ABCA12: variants seen among roughly 807,000 people sequenced by gnomAD.
ABCA12 encodes the protein ATP binding cassette subfamily A member 12.
In ABCA12, 156 loss-of-function variants were observed where a neutral mutation model predicts 293.5. That is an observed-to-expected ratio of 0.53 (90% CI 0.47 to 0.61). The LOEUF is 0.61. Among genes scored for constraint, ABCA12 ranks in the 20% least tolerant of loss-of-function variants. The probability of loss-of-function intolerance (pLI) is 0.00; values close to 1 mark genes in which losing one functional copy is unlikely to be tolerated. For synonymous variants in ABCA12, 1,063 were observed against 1,108.0 expected (o/e 0.96, Z 0.81); for missense variants, 2,797 against 3,090.2 (o/e 0.91, Z 2.25).
intron 18 of ABCA12, 22 bp from the exon 19 acceptor site, chr2:215,007,868 G>C (rs893865549): frequency 1.9e-6 from 3 of 1,613,580 alleles, no homozygotes; most frequent in Admixed American, 1.7e-5. Context: ...AGAAACAAAA[G>C]AAGTGTGATC....
Position 215,007,874 on chromosome 2 carries a change from T to C in ABCA12, c.2473-28A>G, listed in dbSNP as rs1045052627. ...TAATGACAAAGAAACAAAAGAAGTG[T>C]GATCCATTAGTATTTTGTCTATATT... On this transcript the variant is annotated intron_variant, in intron 18 of 52. Transcript: ENST00000272895. 4 of 1,613,382 alleles carry C rather than the reference T, an allele frequency of 2.5e-6. No homozygotes were observed. The African/African-American group carries it at 5.3e-5, about 22-fold the overall frequency.
intron 39 of ABCA12, among the ~76,000 whole-genome samples, chr2:214,963,684 C>T (rs370453486): frequency 1.5e-4 from 23 of 148,672 alleles, no homozygotes; most frequent in South Asian, 1.5e-3. Context: ...GAGCCCAAGG[C>T]GGGTGGATCA....
At chr2:214,982,784 T>C (rs1271317053) in intron 29 of ABCA12, among the ~76,000 whole-genome samples, 3 of 152,092 alleles carry the variant, frequency 2.0e-5, no homozygotes, top group African/African-American at 7.2e-5. Flanking sequence ...TTCTAGTAAG[T>C]GTGTGTATTG....
chr2:215,025,881 T>G, intron 10 of ABCA12, 102 bp from the exon 11 acceptor site: 1 of 781,296 alleles, frequency 1.3e-6, no homozygotes, highest in Admixed American at 2.1e-5. Context: ...AAATTTTTCC[T>G]AAGATAATAG....
At chr2:214,951,876 TAGG>T (rs1285431018) in intron 44 of ABCA12, among the ~76,000 whole-genome samples, 1 of 152,210 alleles carries the variant, frequency 6.6e-6, no homozygotes, top group Non-Finnish European at 1.5e-5. Flanking sequence ...TTGTTAACTA[TAGG>T]CACAATATTG....
chr2:214,970,435 G>T, intron 36 of ABCA12, 35 bp from the exon 37 acceptor site: 1 of 1,611,242 alleles, frequency 6.2e-7, no homozygotes, highest in Admixed American at 1.7e-5. Context: ...TTTTTTTCTG[G>T]CCAATGCTGT....
At position 215,114,589 on chromosome 2, in the gene ABCA12, G is replaced by A. The variant is rs114804639; in HGVS notation, c.70-2899C>T. On this transcript the variant is annotated intron_variant, in intron 1 of 52. Coordinates refer to ENST00000272895, the MANE Select transcript of ABCA12 (RefSeq NM_173076.3). ...TTTTTTATAATTATTGTGCTGTTCC[G>A]AGCAGCAAATAAGAAAGCATTACAG... Among the ~76,000 whole-genome samples, 608 of 152,196 alleles carry A rather than the reference G, an allele frequency of 4.0e-3. 1 individual carries two copies. The highest frequency in any genetic ancestry group is 7.1e-3 in the Admixed American group (109 of 15,290).
chr2:215,099,936 A>C (rs1256343782), intron 2 of ABCA12, among the ~76,000 whole-genome samples: 3 of 152,048 alleles, frequency 2.0e-5, no homozygotes, highest in Non-Finnish European at 2.9e-5. Context: ...CAATGTTTCC[A>C]TTACTACAGG....
In ABCA12 at chr2:214,931,815, A is replaced by G. The variant is rs1312613556; in HGVS notation, c.*819T>C. 1.3e-5 allele frequency: 2 copies of G among 152,390 alleles called. No homozygotes were observed. Among genetic ancestry groups the G allele is most frequent in the African/African-American group, 4.8e-5 (2 of 41,404 alleles). The allele number at this position is 152,390 out of a possible 1,614,324, so 9.4% of individuals were successfully genotyped here. On this transcript the variant is annotated 3_prime_UTR_variant, in exon 53 of 53. Coordinates refer to ENST00000272895, the MANE Select transcript of ABCA12 (RefSeq NM_173076.3). ...GAAACCCCAAATATGAGGGTTTCTGAAAGAGCTTTAAAAAATGTTGCCTGC... is the reference window on the plus strand; with the variant it reads ...GAAACCCCAAATATGAGGGTTTCTGGAAGAGCTTTAAAAAATGTTGCCTGC...
rs1377642965 is a variant in ABCA12, at chr2:215,134,597, C to CTA, written c.69+3542_69+3543insTA. ...ATATAATCTCTCTCTCTCTCTCTCTCTCTATATATATATATATATAGAGAG... is the reference window on the plus strand; with the variant it reads ...ATATAATCTCTCTCTCTCTCTCTCTCTATCTATATATATATATATATAGAGAG... On this transcript the variant is annotated intron_variant, in intron 1 of 52. Coordinates refer to ENST00000272895, the MANE Select transcript of ABCA12 (RefSeq NM_173076.3). Among the ~76,000 whole-genome samples the CTA allele has an allele frequency of 1.4e-3, 118 of 82,964 alleles. 4 individuals carry two copies. The highest frequency in any genetic ancestry group is 9.2e-3 in the East Asian group (36 of 3,892). 54.4% of individuals were successfully genotyped at this position (82,964 alleles called of 152,430 possible). A position where few individuals can be genotyped will look rare whatever the true frequency, so the allele number is the denominator to read the frequency against.
chr2:215,103,247 A>G (rs1575045806), intron 2 of ABCA12, among the ~76,000 whole-genome samples: 4 of 148,768 alleles, frequency 2.7e-5, no homozygotes, highest in South Asian at 2.1e-4. Context: ...AACTTTAACA[A>G]TGTCTCTTAA....
At chr2:215,122,973 T>G (rs1446603624) in intron 1 of ABCA12, among the ~76,000 whole-genome samples, 3 of 152,148 alleles carry the variant, frequency 2.0e-5, no homozygotes, top group Non-Finnish European at 4.4e-5. Flanking sequence ...GTATTTTTTC[T>G]GTCTTTGTGC....
intron 2 of ABCA12, among the ~76,000 whole-genome samples, chr2:215,094,234 TA>T (rs1702205154): frequency 6.6e-6 from 1 of 152,216 alleles, no homozygotes; most frequent in South Asian, 2.1e-4. Flanking sequence ...CCTCTTTAAT[TA>T]AAAACTCTTC....
At position 215,050,684 on chromosome 2, in the gene ABCA12, T is replaced by C. The variant is rs966092098; in HGVS notation, c.508-873A>G. 8.0e-5 allele frequency: 54 copies of C among 674,838 alleles called. No homozygotes were observed. The African/African-American group carries it at 1.0e-3, about 13-fold the overall frequency. The allele number at this position is 674,838 out of a possible 1,614,324, so 41.8% of individuals were successfully genotyped here. On this transcript the variant is annotated intron_variant, in intron 5 of 52. Transcript: ENST00000272895. Reference sequence around the variant, plus strand: ...CATGCTACCTTCTAGTGACTCAAATTCTAAAAGTAATGGAACAAGACAGAA... The same window carrying C: ...CATGCTACCTTCTAGTGACTCAAATCCTAAAAGTAATGGAACAAGACAGAA...
At chr2:214,960,685 G>A (rs948130930) in intron 39 of ABCA12, 1 of 152,004 alleles carries the variant, frequency 6.6e-6, no homozygotes, top group Non-Finnish European at 1.5e-5. Flanking sequence ...ATCTTCTGAT[G>A]TCTCTACAGT....
chr2:214,980,384 G>T, intron 31 of ABCA12, 99 bp downstream of exon 31: 1 of 1,499,394 alleles, frequency 6.7e-7, no homozygotes, highest in Non-Finnish European at 9.1e-7. Flanking sequence ...GTATACTAAT[G>T]AATTTTAGCA....
At chr2:215,048,484 C>T (rs1701248149) in intron 6 of ABCA12, among the ~76,000 whole-genome samples, 1 of 151,394 alleles carries the variant, frequency 6.6e-6, no homozygotes, top group African/African-American at 2.4e-5. Context: ...CACTTGAGGT[C>T]AGGAGTTCGA....
At chr2:214,967,269 A>G (rs907552100) in intron 38 of ABCA12, among the ~76,000 whole-genome samples, 1 of 152,134 alleles carries the variant, frequency 6.6e-6, no homozygotes, top group African/African-American at 2.4e-5. Flanking sequence ...TGGCAGATCC[A>G]TGGGATTCTG....
chr2:215,138,155 A>T lies in ABCA12; in HGVS notation c.54T>A (p.Gly18=). The change falls in exon 1 of 53, where the codon GGT becomes GGA. Residue 18 remains glycine, a synonymous_variant. Coordinates refer to ENST00000272895, the MANE Select transcript of ABCA12 (RefSeq NM_173076.3). ...LQILVWKNWL[G]VKRQPLWTLV... is the part of the protein sequence containing the mutation. Reference sequence around the variant, plus strand: ...TTTAACTCACCGGCTGCCTTTTTACACCTAGCCAATTTTTCCAGACCAGGA... The same window carrying T: ...TTTAACTCACCGGCTGCCTTTTTACTCCTAGCCAATTTTTCCAGACCAGGA... The T allele has an allele frequency of 6.2e-7, 1 of 1,614,026 alleles. No individual in the cohort carries two copies. The highest frequency in any genetic ancestry group is 8.5e-7 in the Non-Finnish European group (1 of 1,180,006).
Sources: allele counts gnomAD v4.1 joint callset (sites outside exome capture counted in the v4.1 genomes callset), GRCh38; gene constraint gnomAD v4.1.1; transcripts MANE v1.5; gene names NCBI Gene and HGNC (gene_info 2026-07-23, HGNC 2026-07-21).